PLAU: variants seen among roughly 807,000 people sequenced by gnomAD.
The protein encoded by PLAU is urokinase-type plasminogen activator.
Under a neutral mutation model 48.9 loss-of-function variants are expected in PLAU, and 32 were observed. That is an observed-to-expected ratio of 0.65 (90% CI 0.49 to 0.88). PLAU has a LOEUF of 0.88. PLAU is among the 40% of genes least tolerant of loss of function. PLAU has a pLI of 0.00. For missense variants in PLAU, 455 were observed against 545.2 expected (o/e 0.83, Z 1.65); for synonymous variants, 199 against 205.7 (o/e 0.97, Z 0.28).
chr10:73,914,727 C>A, intron 8 of PLAU, 49 bp from the exon 9 acceptor site: 1 of 1,573,108 alleles, frequency 6.4e-7, no homozygotes, highest in Non-Finnish European at 8.6e-7. Context: ...AGATGGGGAC[C>A]GCCTAACCAG....
rs566512515 is a variant in PLAU, at chr10:73,915,220, A to G, written c.971-31A>G. ...ACTCCCAGTGGACAGATAAATCTTG[A>G]TGCAAACGCCTCCCTGTTTTCTCCA... On this transcript the variant is annotated intron_variant, in intron 9 of 10. Transcript: ENST00000372764. 659 of 1,597,306 alleles carry G rather than the reference A, an allele frequency of 4.1e-4. 8 individuals are homozygous for G. In the South Asian group the frequency reaches 7.2e-3, roughly 17 times the overall value.
Position 73,916,790 on chromosome 10 carries a change from A to T in PLAU, c.*225A>T. ...TGGCCAGGATGGAGGGGTGGTCCTG[A>T]CTCAACATGTTACTGACCAGCAACT... On this transcript the variant is annotated 3_prime_UTR_variant, in exon 11 of 11. Coordinates refer to ENST00000372764, the MANE Select transcript of PLAU (RefSeq NM_002658.6). 1.9e-6 allele frequency: 1 copy of T among 539,986 alleles called. No homozygotes were observed. The highest frequency in any genetic ancestry group is 3.1e-5 in the East Asian group (1 of 32,696). 33.4% of individuals were successfully genotyped at this position (539,986 alleles called of 1,614,324 possible). A position where few individuals can be genotyped will look rare whatever the true frequency, so the allele number is the denominator to read the frequency against.
chr10:73,912,351 A>G, intron 4 of PLAU, 29 bp downstream of exon 4: 1 of 967,462 alleles, frequency 1.0e-6, no homozygotes, highest in Non-Finnish European at 1.5e-6. Flanking sequence ...CAACTGGGAG[A>G]GAAATTTGGG....
At position 73,912,997 on chromosome 10, in the gene PLAU, GC is replaced by G; in HGVS notation, c.270del (p.Cys91AlafsTer49). ...GKASTDTMGR[P>X]CLPWNSATVL... is the part of the protein sequence containing the mutation. Reference sequence around the variant, plus strand: ...AGGCCAGCACTGACACCATGGGCCGGCCCTGCCTGCCCTGGAACTCTGCCAC... The same window carrying G: ...AGGCCAGCACTGACACCATGGGCCGGCCTGCCTGCCCTGGAACTCTGCCAC... On this transcript the variant is annotated frameshift_variant, in exon 5 of 11. Coordinates refer to ENST00000372764, the MANE Select transcript of PLAU (RefSeq NM_002658.6). LOFTEE classifies it high-confidence loss of function. 6.2e-7 allele frequency: 1 copy of G among 1,614,152 alleles called. No homozygotes were observed. The highest frequency in any genetic ancestry group is 8.5e-7 in the Non-Finnish European group (1 of 1,180,002).
intron 8 of PLAU, 138 bp downstream of exon 8, chr10:73,914,266 C>CA (rs1018188739): frequency 6.6e-6 from 5 of 759,256 alleles, no homozygotes; most frequent in Non-Finnish European, 1.1e-5. Flanking sequence ...ATATACATGA[C>CA]AAAGGGAGTG....
At chr10:73,912,694 T>C (rs1283212250) in intron 4 of PLAU, among the ~76,000 whole-genome samples, 2 of 151,924 alleles carry the variant, frequency 1.3e-5, no homozygotes, top group East Asian at 1.9e-4. Context: ...CTACTAAAAA[T>C]GCAAAAATCA....
rs1229970553 is a variant in PLAU at position 73,912,032 on chromosome 10, C to A, written c.58-9C>A. ...CCTTTGATGAAGCCTCCTCCCGAAT[C>A]TCTTCCAGGGCAGCAATGAACTTCA... On this transcript the variant is annotated splice_polypyrimidine_tract_variant and intron_variant, in intron 2 of 10. Coordinates refer to ENST00000372764, the MANE Select transcript of PLAU (RefSeq NM_002658.6). 1 of 1,613,214 alleles carries A rather than the reference C, an allele frequency of 6.2e-7. No individual in the cohort carries two copies. The highest frequency in any genetic ancestry group is 1.1e-5 in the South Asian group (1 of 90,998).
chr10:73,911,179 C>A lies in PLAU; in HGVS notation c.-71C>A. The A allele has an allele frequency of 3.6e-6, 1 of 280,758 alleles. No individual in the cohort carries two copies. Among genetic ancestry groups the A allele is most frequent in the Non-Finnish European group, 6.6e-6 (1 of 151,046 alleles). 17.4% of individuals were successfully genotyped at this position (280,758 alleles called of 1,614,324 possible). A position where few individuals can be genotyped will look rare whatever the true frequency, so the allele number is the denominator to read the frequency against. ...GGAGCCCGGGCCAGGGTCCACCTGT[C>A]CCCGCAGCGCCGGCTCGCGCCCTCC... On this transcript the variant is annotated 5_prime_UTR_variant, in exon 1 of 11. Transcript: ENST00000372764.
At chr10:73,910,822 C>G (rs2096122272), upstream of PLAU, 1 of 152,310 alleles carries the variant, frequency 6.6e-6, no homozygotes, top group Non-Finnish European at 1.5e-5. Flanking sequence ...CAGAGCTGGG[C>G]GAGGTAGAGA....
At chr10:73,914,740 G>T in intron 8 of PLAU, 36 bp from the exon 9 acceptor site, 1 of 1,603,550 alleles carries the variant, frequency 6.2e-7, no homozygotes, top group Non-Finnish European at 8.5e-7. Flanking sequence ...CTAACCAGTA[G>T]TGATCTTTCT....
chr10:73,911,721 AG>A (rs1186224573), intron 2 of PLAU, 109 bp downstream of exon 2: 1 of 1,560,632 alleles, frequency 6.4e-7, no homozygotes, highest in Non-Finnish European at 8.7e-7. Context: ...CATCCACAGC[AG>A]GGCCAGACTC....
rs764370249 is a variant in PLAU, at chr10:73,916,597, C to T, written c.*32C>T. The T allele has an allele frequency of 1.3e-6, 2 of 1,563,014 alleles. No homozygotes were observed. Among genetic ancestry groups the T allele is most frequent in the Non-Finnish European group, 8.7e-7 (1 of 1,147,458 alleles). On this transcript the variant is annotated 3_prime_UTR_variant, in exon 11 of 11. Coordinates refer to ENST00000372764, the MANE Select transcript of PLAU (RefSeq NM_002658.6). ...CCAGGGAGGAAACGGGCACCACCCG[C>T]TTTCTTGCTGGTTGTCATTTTTGCA... is the stretch of plus-strand genomic sequence containing the variant.
chr10:73,916,752 G>A lies in PLAU; in HGVS notation c.*187G>A. ...TCAGGCATAGGCCTGGGTGCTGGCT[G>A]CCCAGACCCCTCTGGCCAGGATGGA... On this transcript the variant is annotated 3_prime_UTR_variant, in exon 11 of 11. Transcript: ENST00000372764. 1.7e-6 allele frequency: 1 copy of A among 594,752 alleles called. No homozygotes were observed. Among genetic ancestry groups the A allele is most frequent in the Non-Finnish European group, 3.0e-6 (1 of 337,682 alleles). The allele number at this position is 594,752 out of a possible 1,614,324, so 36.8% of individuals were successfully genotyped here.
chr10:73,912,772 A>T, intron 4 of PLAU, 152 bp from the exon 5 acceptor site: 1 of 616,886 alleles, frequency 1.6e-6, no homozygotes. Context: ...AATTGCTTGA[A>T]CCTGGGAGGC....
intron 10 of PLAU, 121 bp from the exon 11 acceptor site, chr10:73,916,268 G>T: frequency 1.2e-6 from 1 of 852,130 alleles, no homozygotes; most frequent in Admixed American, 2.5e-5. Flanking sequence ...AAAGAAAATG[G>T]GAAGTCGCTA....
upstream of PLAU, among the ~76,000 whole-genome samples, chr10:73,909,561 C>T (rs2227552): frequency 0.73 from 110,318 of 152,092 alleles, 40,711 homozygotes; most frequent in Middle Eastern, 0.85. Context: ...GCAGCTGGCA[C>T]CCTGAGCCCT....
Position 73,916,889 on chromosome 10 carries a change from C to T in PLAU, c.*324C>T. ...CTCCTGTGCATGGGTGAAGGGAGAGCCAGCTCCCCCGACGGTGGGCATTTG... is the reference window on the plus strand; with the variant it reads ...CTCCTGTGCATGGGTGAAGGGAGAGTCAGCTCCCCCGACGGTGGGCATTTG... On this transcript the variant is annotated 3_prime_UTR_variant, in exon 11 of 11. Coordinates refer to ENST00000372764, the MANE Select transcript of PLAU (RefSeq NM_002658.6). The T allele has an allele frequency of 3.9e-6, 1 of 254,748 alleles. No individual in the cohort carries two copies. The allele number at this position is 254,748 out of a possible 1,614,324, so 15.8% of individuals were successfully genotyped here. A position where few individuals can be genotyped will look rare whatever the true frequency, so the allele number is the denominator to read the frequency against.
intron 1 of PLAU, 100 bp downstream of exon 1, chr10:73,911,318 T>G: frequency 1.6e-6 from 1 of 610,370 alleles, no homozygotes; most frequent in Non-Finnish European, 2.9e-6. Flanking sequence ...CTCCCTGGGC[T>G]CCCCGGCGGC....
At chr10:73,911,883 T>C (rs992526477) in intron 2 of PLAU, 158 bp from the exon 3 acceptor site, 13 of 1,560,586 alleles carry the variant, frequency 8.3e-6, no homozygotes, top group Non-Finnish European at 1.1e-5. Flanking sequence ...TTCTCCTGGC[T>C]GGAAACCCAT....
Sources: gnomAD v4.1 joint callset for allele counts (sites outside exome capture counted in the v4.1 genomes callset) on GRCh38, gnomAD v4.1.1 for gene constraint, MANE v1.5 for transcripts, NCBI Gene and HGNC (gene_info 2026-07-23, HGNC 2026-07-21) for gene names.